LAPTM4B: variants seen among roughly 807,000 people sequenced by gnomAD.
LAPTM4B encodes the protein lysosomal-associated transmembrane protein 4B.
A neutral mutation model predicts 28.5 loss-of-function variants in LAPTM4B; 26 were observed. That is an observed-to-expected ratio of 0.91 (90% CI 0.67 to 1.27). The LOEUF (loss-of-function observed/expected upper bound fraction) is 1.27, where lower values mean the gene tolerates loss of function less well. LAPTM4B is among the 50% of genes most tolerant of loss of function. The probability of loss-of-function intolerance (pLI) is 0.00; values close to 1 mark genes in which losing one functional copy is unlikely to be tolerated. For synonymous variants in LAPTM4B, 109 were observed against 106.4 expected (o/e 1.02, Z -0.15); for missense variants, 288 against 285.8 (o/e 1.01, Z -0.06).
chr8:97,800,474 C>A (rs1343767749), intron 1 of LAPTM4B, among the ~76,000 whole-genome samples: 2 of 139,024 alleles, frequency 1.4e-5, no homozygotes, highest in Non-Finnish European at 3.0e-5. Context: ...GTAATATTAC[C>A]CCTTGACCTC....
In LAPTM4B at chr8:97,811,262, A is replaced by T. The variant is rs532439333; in HGVS notation, c.212-4066A>T. On this transcript the variant is annotated intron_variant, in intron 2 of 6. Coordinates refer to ENST00000521545, the MANE Select transcript of LAPTM4B (RefSeq NM_018407.6). ...TTGATATACGTACACTCCAGGAGTG[A>T]AGGCTACACAACTCAGTCCTAGATA... 2.2e-4 allele frequency among the ~76,000 whole-genome samples: 33 copies of T among 152,296 alleles called. No individual in the cohort carries two copies. The Middle Eastern group carries it at 0.01, about 47-fold the overall frequency.
intron 1 of LAPTM4B, among the ~76,000 whole-genome samples, chr8:97,793,577 T>C (rs1816538124): frequency 6.6e-6 from 1 of 152,194 alleles, no homozygotes; most frequent in African/African-American, 2.4e-5. Context: ...ACATCATCCA[T>C]AGGAATGCTG....
chr8:97,801,270 C>A (rs556045112), intron 1 of LAPTM4B, among the ~76,000 whole-genome samples: 1 of 151,836 alleles, frequency 6.6e-6, no homozygotes, highest in East Asian at 1.9e-4. Flanking sequence ...TCTCCGCCCC[C>A]CACTGGGTTC....
chr8:97,783,069 G>A (rs1353509980), intron 1 of LAPTM4B, among the ~76,000 whole-genome samples: 5 of 117,980 alleles, frequency 4.2e-5, no homozygotes, highest in East Asian at 2.4e-4. Flanking sequence ...CACCGCGCCC[G>A]GCCTTTTTTT....
At position 97,816,178 on chromosome 8, in the gene LAPTM4B, C is replaced by T; in HGVS notation, c.406C>T (p.Leu136=). ...CTCCATTCAGGAATACATACGGCAA[C>T]TGGTACGTGGACCTCTTACTGCTCC... The part of the protein sequence containing the change: ...PNSIQEYIRQ[L]PPNFPYRDDV... The change falls in exon 4 of 7, where the codon CTG becomes TTG. Residue 136 remains leucine (L), a splice_region_variant and synonymous_variant. Transcript: ENST00000521545. 6.2e-7 allele frequency: 1 copy of T among 1,611,248 alleles called. No individual in the cohort carries two copies. Among genetic ancestry groups the T allele is most frequent in the Non-Finnish European group, 8.5e-7 (1 of 1,179,270 alleles).
intron 1 of LAPTM4B, among the ~76,000 whole-genome samples, chr8:97,802,967 G>A (rs576853773): frequency 1.1e-4 from 17 of 151,938 alleles, no homozygotes; most frequent in Non-Finnish European, 1.8e-4. Flanking sequence ...TTGGGAGGCC[G>A]AGGCGGGTGG....
intron 6 of LAPTM4B, among the ~76,000 whole-genome samples, chr8:97,835,859 G>A (rs368022059): frequency 3.4e-5 from 5 of 148,694 alleles, no homozygotes; most frequent in African/African-American, 9.9e-5. Context: ...CCCAAGCCCC[G>A]GGCTGCACAG....
intron 6 of LAPTM4B, among the ~76,000 whole-genome samples, chr8:97,825,814 C>G (rs111858036): frequency 0.036 from 5,529 of 152,240 alleles, 325 homozygotes; most frequent in African/African-American, 0.12. Flanking sequence ...TCTGTCGTCA[C>G]TGCCTGATGT....
At chr8:97,818,242 C>T (rs1356435191) in intron 4 of LAPTM4B, among the ~76,000 whole-genome samples, 1 of 152,214 alleles carries the variant, frequency 6.6e-6, no homozygotes, top group African/African-American at 2.4e-5. Context: ...CCCTGGTGAG[C>T]AGGAGCCAAG....
chr8:97,830,306 G>A (rs1326583319), intron 6 of LAPTM4B, among the ~76,000 whole-genome samples: 1 of 152,150 alleles, frequency 6.6e-6, no homozygotes, highest in Non-Finnish European at 1.5e-5. Context: ...CTTCATCGAG[G>A]TGGAAGAATT....
At chr8:97,816,022 T>C in intron 3 of LAPTM4B, 36 bp from the exon 4 acceptor site, 1 of 1,505,240 alleles carries the variant, frequency 6.6e-7, no homozygotes, top group African/African-American at 1.4e-5. Flanking sequence ...TTTATAATAT[T>C]GAACACATTA....
chr8:97,798,286 A>G (rs536171681), intron 1 of LAPTM4B, among the ~76,000 whole-genome samples: 176 of 152,178 alleles, frequency 1.2e-3, no homozygotes, highest in Non-Finnish European at 1.7e-3. Flanking sequence ...TTGCACAGAC[A>G]TAGGTCCTCA....
intron 1 of LAPTM4B, among the ~76,000 whole-genome samples, chr8:97,787,421 G>A (rs1816421541): frequency 6.6e-6 from 1 of 151,934 alleles, no homozygotes; most frequent in Non-Finnish European, 1.5e-5. Flanking sequence ...GAGTAGCTGG[G>A]ACTACAGGCA....
chr8:97,780,050 CAAAAA>C (rs57555167), intron 1 of LAPTM4B, among the ~76,000 whole-genome samples: 3 of 91,894 alleles, frequency 3.3e-5, no homozygotes, highest in Admixed American at 2.5e-4. Flanking sequence ...GACTCTGTCT[CAAAAA>C]AAAAAAAAAA....
intron 1 of LAPTM4B, among the ~76,000 whole-genome samples, chr8:97,804,807 C>T (rs1454425679): frequency 6.6e-6 from 1 of 152,072 alleles, no homozygotes; most frequent in East Asian, 1.9e-4. Flanking sequence ...CCTGGCCTGG[C>T]CTGGCCTGGC....
chr8:97,806,036 T>C (rs1253340283), intron 2 of LAPTM4B, among the ~76,000 whole-genome samples: 2 of 152,164 alleles, frequency 1.3e-5, no homozygotes, highest in Admixed American at 6.6e-5. Context: ...GTGCTGTGCA[T>C]AATCTCCAGC....
intron 1 of LAPTM4B, among the ~76,000 whole-genome samples, chr8:97,787,018 C>T (rs1816414172): frequency 6.6e-6 from 1 of 152,048 alleles, no homozygotes. Flanking sequence ...GGGGGTGTAG[C>T]TCCACCATCC....
rs370205948 is a variant in LAPTM4B at position 97,824,525 on chromosome 8, G to A, written c.508-533G>A. 2.0e-4 allele frequency among the ~76,000 whole-genome samples: 30 copies of A among 152,028 alleles called. 2 individuals are homozygous for A. The East Asian group carries it at 4.1e-3, about 21-fold the overall frequency. On this transcript the variant is annotated intron_variant, in intron 5 of 6. Transcript: ENST00000521545. The stretch of plus-strand genomic sequence containing the variant: ...GACATTAATTTTAAGTATCGTCGTC[G>A]GATATTTCGTTAATAAAGGGGAAAT...
In LAPTM4B at chr8:97,818,729, G is replaced by A. The variant is rs1816959502; in HGVS notation, c.409-411G>A. ...GTTCAGAACTTTTGAGACATGGTCT[G>A]GCTCTGTCGCCCGGGCGGCTGGAGT... On this transcript the variant is annotated intron_variant, in intron 4 of 6. Coordinates refer to ENST00000521545, the MANE Select transcript of LAPTM4B (RefSeq NM_018407.6). Among the ~76,000 whole-genome samples, 10 of 152,220 alleles carry A rather than the reference G, an allele frequency of 6.6e-5. 1 individual carries two copies. In the South Asian group the frequency reaches 1.9e-3, roughly 28 times the overall value.
Sources: gnomAD v4.1 joint callset for allele counts (sites outside exome capture counted in the v4.1 genomes callset) on GRCh38, gnomAD v4.1.1 for gene constraint, MANE v1.5 for transcripts, NCBI Gene and HGNC (gene_info 2026-07-23, HGNC 2026-07-21) for gene names.